Variants in PTPRD observed in about 807,000 individuals in gnomAD.
The protein encoded by PTPRD is receptor-type tyrosine-protein phosphatase delta.
Under a neutral mutation model 214.5 loss-of-function variants are expected in PTPRD, and 34 were observed. The ratio of observed to expected loss-of-function variants is 0.16; its 90% CI spans 0.12 to 0.21. The LOEUF is 0.21. Among genes scored for constraint, PTPRD ranks in the 10% least tolerant of loss-of-function variants. The pLI, the probability that PTPRD is intolerant of heterozygous loss-of-function variation, is 1.00. For missense variants in PTPRD, 2,545 were observed against 2,398.7 expected, an observed-to-expected ratio of 1.06 and a Z score of -1.27; for synonymous variants, 1,128 against 845.7, an observed-to-expected ratio of 1.33 and a Z score of -5.79.
At chr9:9,352,710 T>C (rs1187021756) in intron 9 of PTPRD, among the ~76,000 whole-genome samples, 1 of 151,996 alleles carries the variant, frequency 6.6e-6, no homozygotes, top group Non-Finnish European at 1.5e-5. Flanking sequence ...CTATGAATTA[T>C]GTCTACATAG....
intron 3 of PTPRD, among the ~76,000 whole-genome samples, chr9:10,101,416 G>A (rs949505692): frequency 1.3e-5 from 2 of 151,712 alleles, no homozygotes; most frequent in Middle Eastern, 3.4e-3. Context: ...TGTAGTATCA[G>A]GTAAGTAGAG....
rs781388840 is a variant in PTPRD, at chr9:8,471,016, T to A, written c.3483A>T (p.Pro1161=). The change falls in exon 31 of 46, where the codon CCA becomes CCT. Residue 1161 remains proline (P), a synonymous_variant. Coordinates refer to ENST00000381196, the MANE Select transcript of PTPRD (RefSeq NM_002839.4). ...RGKFIKPWES[P]DEMELDELLK... The stretch of plus-strand genomic sequence containing the variant: ...TTACCTCATCTAATTCCATTTCATC[T>A]GGACTCTCCCATGGCTTGATAAATT... 2 of 1,613,292 alleles carry A rather than the reference T, an allele frequency of 1.2e-6. No individual in the cohort carries two copies. The highest frequency in any genetic ancestry group is 2.2e-5 in the East Asian group (1 of 44,864).
chr9:8,757,839 C>A (rs978474719), intron 11 of PTPRD, among the ~76,000 whole-genome samples: 1 of 152,038 alleles, frequency 6.6e-6, no homozygotes, highest in African/African-American at 2.4e-5. Flanking sequence ...AAAATATAAT[C>A]CCAATTTTGA....
intron 9 of PTPRD, among the ~76,000 whole-genome samples, chr9:9,198,270 G>A (rs970885481): frequency 4.6e-5 from 7 of 151,930 alleles, no homozygotes; most frequent in African/African-American, 1.7e-4. Context: ...GCAATTAACT[G>A]GGTTGAAAAC....
At chr9:9,683,500 T>C (rs1303658029) in intron 7 of PTPRD, among the ~76,000 whole-genome samples, 2 of 151,646 alleles carry the variant, frequency 1.3e-5, no homozygotes, top group African/African-American at 2.4e-5. Context: ...AAATATGTAC[T>C]TTTTTCCTTC....
At chr9:10,305,802 G>A (rs2096046448) in intron 3 of PTPRD, among the ~76,000 whole-genome samples, 1 of 152,080 alleles carries the variant, frequency 6.6e-6, no homozygotes, top group Admixed American at 6.6e-5. Context: ...GGAGAAATAG[G>A]AACACTTTTA....
intron 2 of PTPRD, among the ~76,000 whole-genome samples, chr9:10,510,177 A>C (rs149792808): frequency 6.6e-6 from 1 of 152,108 alleles, no homozygotes; most frequent in Non-Finnish European, 1.5e-5. Flanking sequence ...TCAATTTGCC[A>C]AAGTTGCTTA....
chr9:10,254,146 C>T lies in PTPRD; in HGVS notation c.-545+86817G>A, dbSNP rs1377142600. Among the ~76,000 whole-genome samples the T allele has an allele frequency of 3.3e-5, 5 of 152,266 alleles. No individual in the cohort carries two copies. The South Asian group carries it at 1.0e-3, about 32-fold the overall frequency. On this transcript the variant is annotated intron_variant, in intron 3 of 45. Transcript: ENST00000381196. ...ACTCATAATCACATACTTTCTCTTC[C>T]TCCAGTTTTAAATTTTTGTTTATTT... is the stretch of plus-strand genomic sequence containing the variant.
At chr9:8,688,110 G>A (rs146814037) in intron 12 of PTPRD, among the ~76,000 whole-genome samples, 5 of 152,242 alleles carry the variant, frequency 3.3e-5, no homozygotes, top group Admixed American at 6.5e-5. Flanking sequence ...CTTACTTGGC[G>A]AGTGATCAGT....
chr9:9,451,659 T>C (rs972508156), intron 8 of PTPRD, among the ~76,000 whole-genome samples: 1 of 151,598 alleles, frequency 6.6e-6, no homozygotes, highest in Non-Finnish European at 1.5e-5. Context: ...ACTTTTTATA[T>C]AAAAATTAAC....
chr9:9,048,727 G>A (rs144651808), intron 10 of PTPRD, among the ~76,000 whole-genome samples: 1 of 152,090 alleles, frequency 6.6e-6, no homozygotes, highest in East Asian at 1.9e-4. Flanking sequence ...AGAGTAGAAA[G>A]AATGAATAAG....
intron 11 of PTPRD, among the ~76,000 whole-genome samples, chr9:9,009,408 C>CTATTTTATTT (rs36233452): frequency 6.6e-6 from 1 of 151,334 alleles, no homozygotes; most frequent in East Asian, 2.0e-4. Flanking sequence ...GCAGTTCTTT[C>CTATTTTATTT]TATTTTATTT....
intron 3 of PTPRD, among the ~76,000 whole-genome samples, chr9:10,060,877 C>CT (rs1404169028): frequency 1.5e-5 from 1 of 65,982 alleles, no homozygotes; most frequent in South Asian, 5.1e-4. Flanking sequence ...TCTTTCCTTC[C>CT]TTCCTTCCTT....
intron 30 of PTPRD, among the ~76,000 whole-genome samples, chr9:8,474,554 A>G (rs1281280327): frequency 3.3e-5 from 5 of 152,156 alleles, no homozygotes; most frequent in African/African-American, 1.2e-4. Flanking sequence ...TAAATTCATA[A>G]TCAGCAACCC....
At chr9:8,595,666 T>C (rs367875166) in intron 14 of PTPRD, among the ~76,000 whole-genome samples, 2 of 152,202 alleles carry the variant, frequency 1.3e-5, no homozygotes, top group African/African-American at 2.4e-5. Flanking sequence ...ATGAAGTGCA[T>C]CGAAAAGTTA....
chr9:9,694,910 A>G (rs1428619788), intron 7 of PTPRD, among the ~76,000 whole-genome samples: 2 of 152,140 alleles, frequency 1.3e-5, no homozygotes, highest in African/African-American at 2.4e-5. Context: ...CCAAGAGCCT[A>G]AGCCTGGACT....
intron 9 of PTPRD, among the ~76,000 whole-genome samples, chr9:9,328,327 G>A (rs1017798937): frequency 3.3e-5 from 5 of 152,076 alleles, no homozygotes; most frequent in Non-Finnish European, 5.9e-5. Context: ...TATGTGGTAT[G>A]TCACTTACAT....
chr9:8,795,403 G>A (rs896447032), intron 11 of PTPRD, among the ~76,000 whole-genome samples: 1 of 152,042 alleles, frequency 6.6e-6, no homozygotes, highest in Non-Finnish European at 1.5e-5. Context: ...CCTGACCTCA[G>A]GCAATTCGCC....
At chr9:10,579,859 C>T (rs2071054160) in intron 2 of PTPRD, among the ~76,000 whole-genome samples, 1 of 152,100 alleles carries the variant, frequency 6.6e-6, no homozygotes, top group South Asian at 2.1e-4. Context: ...TGATTGACAA[C>T]ATTAAGCATT....
Sources: gnomAD v4.1 joint callset for allele counts (sites outside exome capture counted in the v4.1 genomes callset) on GRCh38, gnomAD v4.1.1 for gene constraint, MANE v1.5 for transcripts, NCBI Gene and HGNC (gene_info 2026-07-23, HGNC 2026-07-21) for gene names.